The following TAFA2 variants were observed in gnomAD, a reference collection of about 807,000 sequenced individuals.
TAFA2 encodes the protein chemokine-like protein TAFA-2.
In TAFA2, 7 loss-of-function variants were observed where a neutral mutation model predicts 18.8. The observed-to-expected ratio is 0.37, with a 90% CI of 0.21 to 0.70. The LOEUF (loss-of-function observed/expected upper bound fraction) is 0.70, where lower values mean the gene tolerates loss of function less well. Among genes scored for constraint, TAFA2 ranks in the 30% least tolerant of loss-of-function variants. The pLI is 0.53. For missense variants in TAFA2, 122 were observed against 158.1 expected (o/e 0.77, Z 1.23); for synonymous variants, 60 against 54.2 (o/e 1.11, Z -0.47).
chr12:61,796,044 GAA>G (rs1871175909), intron 2 of TAFA2, among the ~76,000 whole-genome samples: 1 of 152,116 alleles, frequency 6.6e-6, no homozygotes, highest in Non-Finnish European at 1.5e-5. Flanking sequence ...GTGGGAATAT[GAA>G]ATAGAACAAC....
chr12:62,124,869 C>T (rs1364881266), intron 1 of TAFA2, among the ~76,000 whole-genome samples: 1 of 152,108 alleles, frequency 6.6e-6, no homozygotes, highest in African/African-American at 2.4e-5. Flanking sequence ...TCTCTATTGT[C>T]AAATAATGCA....
At chr12:62,138,440 A>G (rs2062215294) in intron 1 of TAFA2, among the ~76,000 whole-genome samples, 1 of 152,216 alleles carries the variant, frequency 6.6e-6, no homozygotes, top group Non-Finnish European at 1.5e-5. Context: ...CCTGTAGAAT[A>G]TAAGTTTCAT....
At chr12:62,065,290 C>T (rs1882455529) in intron 1 of TAFA2, among the ~76,000 whole-genome samples, 1 of 152,036 alleles carries the variant, frequency 6.6e-6, no homozygotes, top group Non-Finnish European at 1.5e-5. Context: ...GAGCACAGAA[C>T]ATCAGTCCAA....
At chr12:62,213,789 ATTC>A (rs1284154736) in intron 1 of TAFA2, among the ~76,000 whole-genome samples, 2 of 152,212 alleles carry the variant, frequency 1.3e-5, no homozygotes, top group Non-Finnish European at 2.9e-5. Flanking sequence ...AAACTCAATT[ATTC>A]TTCTTTACTC....
At chr12:62,089,688 G>C (rs1281473576) in intron 1 of TAFA2, among the ~76,000 whole-genome samples, 1 of 152,024 alleles carries the variant, frequency 6.6e-6, no homozygotes, top group Non-Finnish European at 1.5e-5. Context: ...AAATACATAT[G>C]ATTCATGGAA....
chr12:62,028,757 G>A (rs914455933), intron 1 of TAFA2, among the ~76,000 whole-genome samples: 1 of 152,108 alleles, frequency 6.6e-6, no homozygotes, highest in African/African-American at 2.4e-5. Context: ...TGAGGTAGAA[G>A]CCAGGAATAA....
chr12:61,991,425 T>C (rs1880006968), intron 1 of TAFA2, among the ~76,000 whole-genome samples: 1 of 152,248 alleles, frequency 6.6e-6, no homozygotes, highest in Admixed American at 6.5e-5. Context: ...TGTAGGTTTT[T>C]ATGTCATTCC....
At chr12:61,893,486 T>A (rs11837041) in intron 1 of TAFA2, among the ~76,000 whole-genome samples, 2,328 of 152,268 alleles carry the variant, frequency 0.015, 56 homozygotes, top group African/African-American at 0.053. Flanking sequence ...GGAAATGATC[T>A]GGTAGAGAGG....
intron 1 of TAFA2, among the ~76,000 whole-genome samples, chr12:62,126,986 C>G (rs1242361093): frequency 6.6e-6 from 1 of 152,064 alleles, no homozygotes; most frequent in Non-Finnish European, 1.5e-5. Flanking sequence ...ATGTACTTGA[C>G]TAGCCAGAGA....
intron 1 of TAFA2, among the ~76,000 whole-genome samples, chr12:62,183,001 T>C (rs2062561596): frequency 6.6e-6 from 1 of 152,226 alleles, no homozygotes; most frequent in Non-Finnish European, 1.5e-5. Context: ...CTTTTTTGTA[T>C]ACTAAGATAG....
intron 1 of TAFA2, among the ~76,000 whole-genome samples, chr12:62,221,487 T>C (rs971694591): frequency 1.3e-5 from 2 of 152,090 alleles, no homozygotes; most frequent in African/African-American, 4.8e-5. Flanking sequence ...ATAGTCTAAG[T>C]GCTATTAGTT....
intron 2 of TAFA2, among the ~76,000 whole-genome samples, chr12:61,797,439 G>A (rs758534518): frequency 6.6e-6 from 1 of 152,028 alleles, no homozygotes; most frequent in Non-Finnish European, 1.5e-5. Flanking sequence ...AAACAGTCCC[G>A]GGATACTGCC....
At chr12:61,724,798 T>TACACCAGATGG (rs1416087029) in intron 4 of TAFA2, among the ~76,000 whole-genome samples, 1 of 98,398 alleles carries the variant, frequency 1.0e-5, no homozygotes, top group East Asian at 2.6e-4. Flanking sequence ...TGTGTGTGTG[T>TACACCAGATGG]GTGTATACAC....
At chr12:61,731,443 C>G (rs1870445571) in intron 4 of TAFA2, among the ~76,000 whole-genome samples, 1 of 152,102 alleles carries the variant, frequency 6.6e-6, no homozygotes, top group Non-Finnish European at 1.5e-5. Flanking sequence ...CATTTTCCAG[C>G]AGTTAATTTT....
At chr12:62,251,170 G>A (rs912077105) in intron 1 of TAFA2, among the ~76,000 whole-genome samples, 1 of 152,144 alleles carries the variant, frequency 6.6e-6, no homozygotes, top group Non-Finnish European at 1.5e-5. Context: ...TGTTATAGGA[G>A]GCTGGAATAA....
chr12:62,211,829 G>T (rs1171975175), intron 1 of TAFA2, among the ~76,000 whole-genome samples: 1 of 152,146 alleles, frequency 6.6e-6, no homozygotes, highest in East Asian at 1.9e-4. Context: ...ATATGGGATA[G>T]GAAGCACTCT....
chr12:61,872,622 C>T (rs1269962182), intron 1 of TAFA2, among the ~76,000 whole-genome samples: 1 of 152,110 alleles, frequency 6.6e-6, no homozygotes, highest in Non-Finnish European at 1.5e-5. Context: ...ATCATCTTCC[C>T]TCTCAACCAC....
intron 2 of TAFA2, among the ~76,000 whole-genome samples, chr12:61,859,852 CT>C (rs1874056820): frequency 6.6e-6 from 1 of 152,182 alleles, no homozygotes. Context: ...ATTCTAATTA[CT>C]GTCCTGGTTG....
At chr12:61,871,959 G>A (rs554139410) in intron 1 of TAFA2, among the ~76,000 whole-genome samples, 4 of 152,272 alleles carry the variant, frequency 2.6e-5, no homozygotes, top group African/African-American at 9.6e-5. Context: ...AGGCGTGGTG[G>A]CGGGCGCCTG....
Sources: allele counts gnomAD v4.1 joint callset (sites outside exome capture counted in the v4.1 genomes callset), GRCh38; gene constraint gnomAD v4.1.1; transcripts MANE v1.5; gene names NCBI Gene and HGNC (gene_info 2026-07-23, HGNC 2026-07-21).